The following TRMT9B variants were observed in gnomAD, a reference collection of about 807,000 sequenced individuals.
TRMT9B encodes tRNA methyltransferase 9B (putative), also known as probable tRNA methyltransferase 9B.
Under a neutral mutation model 11.5 loss-of-function variants are expected in TRMT9B, and 16 were observed. That is an observed-to-expected ratio of 1.39 (90% CI 0.94 to 2.11). The LOEUF is 2.11. Ranked by LOEUF, TRMT9B falls within the 30% of genes most tolerant of loss-of-function variation. The pLI is 0.00. For synonymous variants in TRMT9B, 274 were observed against 192.4 expected, an observed-to-expected ratio of 1.42 and a Z score of -3.51; for missense variants, 941 against 553.8, an observed-to-expected ratio of 1.70 and a Z score of -7.02.
chr8:12,968,672 A>T (rs1803160117), intron 1 of TRMT9B, among the ~76,000 whole-genome samples: 1 of 152,210 alleles, frequency 6.6e-6, no homozygotes, highest in Non-Finnish European at 1.5e-5. Flanking sequence ...GGTGGGAGGG[A>T]CAGCCTGAGC....
In TRMT9B at chr8:13,023,153, A is replaced by G. The variant is rs1312883978; in HGVS notation, c.*1109A>G. 5 of 167,150 alleles carry G rather than the reference A, an allele frequency of 3.0e-5. No homozygotes were observed. The highest frequency in any genetic ancestry group is 1.2e-4 in the African/African-American group (5 of 41,474). The allele number at this position is 167,150 out of a possible 1,614,324, so 10.4% of individuals were successfully genotyped here. A position where few individuals can be genotyped will look rare whatever the true frequency, so the allele number is the denominator to read the frequency against. ...CTTATTAGCAAGATTGTTATCAATCATGCTTATTAGAAGGATGAATATCCA... is the reference window on the plus strand; with the variant it reads ...CTTATTAGCAAGATTGTTATCAATCGTGCTTATTAGAAGGATGAATATCCA... On this transcript the variant is annotated 3_prime_UTR_variant, in exon 5 of 5. Transcript: ENST00000524591.
At chr8:13,013,785 A>G (rs1812106566) in intron 4 of TRMT9B, among the ~76,000 whole-genome samples, 1 of 151,968 alleles carries the variant, frequency 6.6e-6, no homozygotes, top group Admixed American at 6.6e-5. Flanking sequence ...CCCCATCTCT[A>G]CTAAAAATAC....
intron 1 of TRMT9B, among the ~76,000 whole-genome samples, chr8:12,956,779 A>G (rs772490305): frequency 4.6e-5 from 7 of 152,244 alleles, no homozygotes; most frequent in Non-Finnish European, 8.8e-5. Context: ...ATTGGAGAAT[A>G]ACATAAGAGT....
At position 13,021,140 on chromosome 8, in the gene TRMT9B, A is replaced by G. The variant is rs777373831; in HGVS notation, c.461A>G (p.Gln154Arg). Residue 154 changes from glutamine to arginine, a missense_variant, in exon 5 of 5, where the codon CAA (glutamine) becomes CGA (arginine). By Grantham distance (43) the Gln-to-Arg change is conservative (BLOSUM62 1). Coordinates refer to ENST00000524591, the MANE Select transcript of TRMT9B (RefSeq NM_020844.3). ...CAAAAGAACCGTCACTTTGAGAAGCAAGACGTGCTTGTTCCATGGAACAGG... is the reference window on the plus strand; with the variant it reads ...CAAAAGAACCGTCACTTTGAGAAGCGAGACGTGCTTGTTCCATGGAACAGG... ...MEQKNRHFEK[Q>R]DVLVPWNRAL... 1 of 1,613,876 alleles carries G rather than the reference A, an allele frequency of 6.2e-7. No individual in the cohort carries two copies.
chr8:12,988,754 A>C (rs1404577915), intron 1 of TRMT9B, among the ~76,000 whole-genome samples: 1 of 152,170 alleles, frequency 6.6e-6, no homozygotes, highest in Non-Finnish European at 1.5e-5. Flanking sequence ...CTACAATTCA[A>C]GATGAGATTT....
Position 13,027,843 on chromosome 8 carries a change from C to T in TRMT9B, c.*5799C>T, listed in dbSNP as rs1814876402. 1 of 167,080 alleles carries T rather than the reference C, an allele frequency of 6.0e-6. No individual in the cohort carries two copies. Among genetic ancestry groups the T allele is most frequent in the Admixed American group, 6.5e-5 (1 of 15,288 alleles). The allele number at this position is 167,080 out of a possible 1,614,324, so 10.3% of individuals were successfully genotyped here. A position where few individuals can be genotyped will look rare whatever the true frequency, so the allele number is the denominator to read the frequency against. On this transcript the variant is annotated 3_prime_UTR_variant, in exon 5 of 5. Transcript: ENST00000524591. ...AACAGACCCTCCACCAACCGTAATG[C>T]TTAACTCCTCTTGTTCCAATCTTAA...
At chr8:12,966,828 G>C in intron 1 of TRMT9B, among the ~76,000 whole-genome samples, 1 of 152,124 alleles carries the variant, frequency 6.6e-6, no homozygotes, top group East Asian at 1.9e-4. Flanking sequence ...TGAGGAGCTG[G>C]GTGCAGTGGG....
chr8:13,003,406 T>G (rs985059724), intron 2 of TRMT9B, among the ~76,000 whole-genome samples: 5 of 152,166 alleles, frequency 3.3e-5, no homozygotes, highest in Non-Finnish European at 7.3e-5. Flanking sequence ...CCTTCCCTGT[T>G]GCCCTTATCC....
At chr8:13,004,683 T>C (rs1344605888) in intron 2 of TRMT9B, among the ~76,000 whole-genome samples, 2 of 151,992 alleles carry the variant, frequency 1.3e-5, no homozygotes, top group Non-Finnish European at 2.9e-5. Context: ...TAATACGCTG[T>C]GGGCCTTGGG....
intron 2 of TRMT9B, among the ~76,000 whole-genome samples, chr8:12,998,440 A>T (rs1007791278): frequency 4.7e-5 from 7 of 149,116 alleles, no homozygotes; most frequent in East Asian, 1.9e-4. Flanking sequence ...GAGCTAAAAC[A>T]TAGAGGACTC....
intron 3 of TRMT9B, chr8:13,011,458 C>A: frequency 1.0e-6 from 1 of 985,216 alleles, no homozygotes; most frequent in Non-Finnish European, 1.2e-6. Context: ...TGGTAGATAT[C>A]TTTTCAGGTA....
chr8:12,965,750 C>G (rs142275415), intron 1 of TRMT9B, among the ~76,000 whole-genome samples: 1 of 152,030 alleles, frequency 6.6e-6, no homozygotes, highest in Non-Finnish European at 1.5e-5. Context: ...CAGCAACTCA[C>G]GCCTGTAATC....
At chr8:12,962,582 C>T (rs557757489) in intron 1 of TRMT9B, among the ~76,000 whole-genome samples, 30 of 152,218 alleles carry the variant, frequency 2.0e-4, no homozygotes, top group Admixed American at 5.9e-4. Context: ...CCTCTGCCTC[C>T]TGGGTTCAAG....
At chr8:13,020,978 C>T (rs538141857) in intron 4 of TRMT9B, 30 bp from the exon 5 acceptor site, 3 of 1,442,328 alleles carry the variant, frequency 2.1e-6, no homozygotes, top group African/African-American at 1.4e-5. Context: ...TGTGTGCATA[C>T]ACACTGAGAT....
chr8:12,975,814 G>C (rs1329633145), intron 1 of TRMT9B, among the ~76,000 whole-genome samples: 1 of 152,144 alleles, frequency 6.6e-6, no homozygotes, highest in Non-Finnish European at 1.5e-5. Context: ...TCCTTCAATT[G>C]ATGATAATCC....
In TRMT9B at chr8:13,029,295, T is replaced by C. The variant is rs1815090303; in HGVS notation, c.*7251T>C. 1 of 167,098 alleles carries C rather than the reference T, an allele frequency of 6.0e-6. No individual in the cohort carries two copies. The highest frequency in any genetic ancestry group is 1.5e-5 in the Non-Finnish European group (1 of 68,126). 10.4% of individuals were successfully genotyped at this position (167,098 alleles called of 1,614,324 possible). The stretch of plus-strand genomic sequence containing the variant: ...TGGGTCAAAAGTGCAAAAACTTTTT[T>C]CTACAATGTACAGTTATTTTGACTT... On this transcript the variant is annotated 3_prime_UTR_variant, in exon 5 of 5. Transcript: ENST00000524591.
At chr8:13,000,338 G>C (rs1809186384) in intron 2 of TRMT9B, among the ~76,000 whole-genome samples, 1 of 152,198 alleles carries the variant, frequency 6.6e-6, no homozygotes, top group Non-Finnish European at 1.5e-5. Context: ...GAACCCTGTT[G>C]CTAGTAGCAG....
intron 2 of TRMT9B, among the ~76,000 whole-genome samples, chr8:13,004,536 C>A (rs978318321): frequency 6.6e-6 from 1 of 151,986 alleles, no homozygotes; most frequent in African/African-American, 2.4e-5. Flanking sequence ...GCCCTACCCC[C>A]CAGATGATAT....
At chr8:12,965,030 C>G (rs1324031828) in intron 1 of TRMT9B, among the ~76,000 whole-genome samples, 1 of 152,166 alleles carries the variant, frequency 6.6e-6, no homozygotes, top group East Asian at 1.9e-4. Context: ...ATAACCCCTC[C>G]CACTAGAAGA....
Sources: gnomAD v4.1 joint callset for allele counts (sites outside exome capture counted in the v4.1 genomes callset) on GRCh38, gnomAD v4.1.1 for gene constraint, MANE v1.5 for transcripts, NCBI Gene and HGNC (gene_info 2026-07-23, HGNC 2026-07-21) for gene names.